TMEM131L: variants seen among roughly 807,000 people sequenced by gnomAD.
The protein encoded by TMEM131L is transmembrane 131 like.
A neutral mutation model predicts 192.2 loss-of-function variants in TMEM131L; 54 were observed. That is an observed-to-expected ratio of 0.28 (90% CI 0.23 to 0.35). The LOEUF (loss-of-function observed/expected upper bound fraction) is 0.35, where lower values mean the gene tolerates loss of function less well. Ranked by LOEUF, TMEM131L falls within the 10% of genes least tolerant of loss-of-function variation. TMEM131L has a pLI of 1.00. For missense variants in TMEM131L, 1,888 were observed against 1,972.9 expected, an observed-to-expected ratio of 0.96 and a Z score of 0.82; for synonymous variants, 701 against 704.9, an observed-to-expected ratio of 0.99 and a Z score of 0.09.
At position 153,603,928 on chromosome 4, in the gene TMEM131L, T is replaced by TAG; in HGVS notation, c.2916_2917insAG (p.Gly973ArgfsTer68). On this transcript the variant is annotated frameshift_variant, in exon 25 of 35. Coordinates refer to ENST00000409959, the MANE Select transcript of TMEM131L (RefSeq NM_001131007.2). LOFTEE classifies it high-confidence loss of function. ...CTGCAAAGAGGAGCCCAGCCACCTA[T>TAG]GGTCATTCTCAGAAGAAGCACAAAT... 1 of 1,614,062 alleles carries TAG rather than the reference T, an allele frequency of 6.2e-7. No homozygotes were observed. Among genetic ancestry groups the TAG allele is most frequent in the Non-Finnish European group, 8.5e-7 (1 of 1,179,960 alleles).
chr4:153,608,684 G>A (rs1264771620), intron 25 of TMEM131L, among the ~76,000 whole-genome samples: 1 of 152,120 alleles, frequency 6.6e-6, no homozygotes, highest in Non-Finnish European at 1.5e-5. Context: ...TTCCAAAAAT[G>A]TTCCTATTTA....
chr4:153,552,939 T>G (rs1737736287), intron 4 of TMEM131L, among the ~76,000 whole-genome samples: 1 of 126,976 alleles, frequency 7.9e-6, no homozygotes. Flanking sequence ...TGTTGTTATT[T>G]TTTGTGTTTT....
At chr4:153,548,715 G>C (rs527802920) in intron 3 of TMEM131L, among the ~76,000 whole-genome samples, 1 of 152,292 alleles carries the variant, frequency 6.6e-6, no homozygotes, top group African/African-American at 2.4e-5. Flanking sequence ...GCAGAAAGTG[G>C]AGGGAGGAAG....
In TMEM131L at chr4:153,582,427, T is replaced by TG. The variant is rs1561212496; in HGVS notation, c.893-763_893-762insG. On this transcript the variant is annotated intron_variant, in intron 9 of 34. Coordinates refer to ENST00000409959, the MANE Select transcript of TMEM131L (RefSeq NM_001131007.2). ...GCCTGGCTAATTTAAACCGTTTTTTTTTGTTGTTTTTTTTTTTTTTTTTTT... is the reference window on the plus strand; with the variant it reads ...GCCTGGCTAATTTAAACCGTTTTTTTGTTGTTGTTTTTTTTTTTTTTTTTTT... Among the ~76,000 whole-genome samples, 8 of 122,160 alleles carry TG rather than the reference T, an allele frequency of 6.5e-5. 1 individual carries two copies. Among genetic ancestry groups the TG allele is most frequent in the African/African-American group, 3.7e-4 (7 of 18,800 alleles). The allele number at this position is 122,160 out of a possible 152,430, so 80.1% of individuals were successfully genotyped here.
At position 153,583,611 on chromosome 4, in the gene TMEM131L, A is replaced by G; in HGVS notation, c.999A>G (p.Glu333=). ...GAGATGCTCTGTCTCTGCAGTTTGA[A>G]CCAGTACTACTACCTACTTCTACAA... ...SQRDALSLQF[E]PVLLPTSTTN... Residue 333 remains glutamate, a synonymous_variant, in exon 11 of 35, where the codon GAA becomes GAG. Coordinates refer to ENST00000409959, the MANE Select transcript of TMEM131L (RefSeq NM_001131007.2). 1 of 1,612,424 alleles carries G rather than the reference A, an allele frequency of 6.2e-7. No homozygotes were observed. The highest frequency in any genetic ancestry group is 1.1e-5 in the South Asian group (1 of 90,574).
At chr4:153,621,011 CTT>C (rs1419733206) in intron 27 of TMEM131L, 131 bp downstream of exon 27, 2 of 601,450 alleles carry the variant, frequency 3.3e-6, no homozygotes, top group Admixed American at 3.4e-5. Context: ...ATGTTTATCT[CTT>C]AAGATTAAAA....
At chr4:153,491,836 AG>A (rs1442993190) in intron 3 of TMEM131L, among the ~76,000 whole-genome samples, 2 of 152,096 alleles carry the variant, frequency 1.3e-5, no homozygotes, top group Non-Finnish European at 2.9e-5. Flanking sequence ...CCTCCTGAGT[AG>A]CTGGGACTAC....
chr4:153,497,847 T>G (rs1733288326), intron 3 of TMEM131L, among the ~76,000 whole-genome samples: 1 of 141,068 alleles, frequency 7.1e-6, no homozygotes. Flanking sequence ...AATGCAGAAA[T>G]CTTTTTTTTC....
At chr4:153,632,950 T>C in intron 32 of TMEM131L, 112 bp downstream of exon 32, 1 of 1,270,448 alleles carries the variant, frequency 7.9e-7, no homozygotes, top group Non-Finnish European at 1.1e-6. Flanking sequence ...GGCTTCTTCC[T>C]TGGTGTACTT....
Position 153,627,617 on chromosome 4 carries a change from T to G in TMEM131L, c.4137T>G (p.Ser1379Arg). 1 of 1,613,912 alleles carries G rather than the reference T, an allele frequency of 6.2e-7. No individual in the cohort carries two copies. The highest frequency in any genetic ancestry group is 8.5e-7 in the Non-Finnish European group (1 of 1,179,864). ...CTCTTCCCCACAGGACCGTGAATAG[T>G]CTCCCACAATACGCAGAGCCTTCCT... The part of the protein sequence containing the change: ...HNICNPMTVN[S>R]LPQYAEPSCP... Residue 1379 changes from serine (S) to arginine (R), a missense_variant, in exon 31 of 35, where the codon AGT (serine) becomes AGG (arginine). Coordinates refer to ENST00000409959, the MANE Select transcript of TMEM131L (RefSeq NM_001131007.2).
chr4:153,625,134 G>A (rs777894698), intron 29 of TMEM131L, among the ~76,000 whole-genome samples: 6 of 152,314 alleles, frequency 3.9e-5, no homozygotes, highest in Admixed American at 2.0e-4. Context: ...AATGGAGGCC[G>A]GGCGCAGTGG....
chr4:153,477,765 C>A (rs1184298697), intron 3 of TMEM131L, among the ~76,000 whole-genome samples: 3 of 152,066 alleles, frequency 2.0e-5, no homozygotes, highest in African/African-American at 4.8e-5. Flanking sequence ...TTTTCTATTG[C>A]ATTTTCTTTT....
rs77664775 is a variant in TMEM131L at position 153,474,399 on chromosome 4, G to A, written c.239+511G>A. 6.7e-3 allele frequency among the ~76,000 whole-genome samples: 1,016 copies of A among 152,308 alleles called. 34 individuals carry two copies. In the East Asian group the frequency reaches 0.11, roughly 17 times the overall value. On this transcript the variant is annotated intron_variant, in intron 3 of 34. Coordinates refer to ENST00000409959, the MANE Select transcript of TMEM131L (RefSeq NM_001131007.2). ...GAAACAGGAGCAGCCACACAGCAGC[G>A]GGAACAGTGCTTTGGTCAGAGGGAA...
chr4:153,569,948 A>T (rs555287163), intron 7 of TMEM131L, among the ~76,000 whole-genome samples: 1 of 152,378 alleles, frequency 6.6e-6, no homozygotes, highest in Non-Finnish European at 1.5e-5. Context: ...GTATCCAGTT[A>T]TCTTGGCCTG....
At chr4:153,486,830 T>G (rs1732371556) in intron 3 of TMEM131L, among the ~76,000 whole-genome samples, 1 of 152,114 alleles carries the variant, frequency 6.6e-6, no homozygotes, top group Admixed American at 6.5e-5. Flanking sequence ...CAGGGTTTAG[T>G]CATAGGGAGC....
intron 3 of TMEM131L, among the ~76,000 whole-genome samples, chr4:153,501,237 GCT>G (rs1283052885): frequency 1.5e-5 from 2 of 135,160 alleles, no homozygotes; most frequent in African/African-American, 5.7e-5. Flanking sequence ...ACGGAGTCTC[GCT>G]CTGTCACCCA....
rs747111358 is a variant in TMEM131L at position 153,592,556 on chromosome 4, G to A, written c.1894G>A (p.Glu632Lys). 9 of 1,613,824 alleles carry A rather than the reference G, an allele frequency of 5.6e-6. No homozygotes were observed. The highest frequency in any genetic ancestry group is 2.7e-5 in the African/African-American group (2 of 74,872). ...GCCTCTCTCCTTGTACCCTAAACCC[G>A]AAGCCCTAGTGCACCTGCTCCACAG... Reference protein sequence around the residue: ...LLPLSLYPKPEALVHLLHRWF... With the variant: ...LLPLSLYPKPKALVHLLHRWF... The change falls in exon 18 of 35, where the codon GAA (glutamate) becomes AAA (lysine). Residue 632 changes from glutamate to lysine, a missense_variant. By Grantham distance (56) the Glu-to-Lys change is moderately conservative. Coordinates refer to ENST00000409959, the MANE Select transcript of TMEM131L (RefSeq NM_001131007.2).
intron 3 of TMEM131L, among the ~76,000 whole-genome samples, chr4:153,510,444 T>G (rs1734276054): frequency 6.6e-6 from 1 of 152,206 alleles, no homozygotes; most frequent in Non-Finnish European, 1.5e-5. Flanking sequence ...TTACCATTCT[T>G]TAAAGGGAAG....
Position 153,581,521 on chromosome 4 carries a change from T to A in TMEM131L, c.853T>A (p.Ser285Thr). Residue 285 changes from serine (S) to threonine (T), a missense_variant, in exon 9 of 35, where the codon TCT becomes ACT. Transcript: ENST00000409959. The part of the protein sequence containing the change: ...ENTQHLLDHL[S>T]IVYVATDESE... ...CACACAACATTTGTTAGATCATCTCTCTATTGTTTACGTAGCTACAGATGA... is the reference window on the plus strand; with the variant it reads ...CACACAACATTTGTTAGATCATCTCACTATTGTTTACGTAGCTACAGATGA... 2 of 1,595,364 alleles carry A rather than the reference T, an allele frequency of 1.3e-6. No individual in the cohort carries two copies. Among genetic ancestry groups the A allele is most frequent in the Non-Finnish European group, 1.7e-6 (2 of 1,170,370 alleles).
Sources: gnomAD v4.1 joint callset for allele counts (sites outside exome capture counted in the v4.1 genomes callset) on GRCh38, gnomAD v4.1.1 for gene constraint, MANE v1.5 for transcripts, NCBI Gene and HGNC (gene_info 2026-07-23, HGNC 2026-07-21) for gene names.